The following CELF2 variants were observed in gnomAD, a reference collection of about 807,000 sequenced individuals.
The protein encoded by CELF2 is CUG triplet repeat RNA-binding protein 2.
In CELF2, 8 loss-of-function variants were observed where a neutral mutation model predicts 62.6. The observed-to-expected ratio is 0.13, with a 90% CI of 0.07 to 0.23. CELF2 has a LOEUF of 0.23. Ranked by LOEUF, CELF2 falls within the 10% of genes least tolerant of loss-of-function variation. The probability of loss-of-function intolerance (pLI) is 1.00; values close to 1 mark genes in which losing one functional copy is unlikely to be tolerated. For missense variants in CELF2, 333 were observed against 671.0 expected (o/e 0.50, Z 5.56); for synonymous variants, 258 against 250.0 (o/e 1.03, Z -0.30).
rs751811271 is a variant in CELF2 at position 11,331,597 on chromosome 10, T to C, written c.*2544T>C. ...TTATTATGTGTTTTGTATAAATCCC[T>C]AATATTTAAAAAAAAAAACAAAACA... On this transcript the variant is annotated 3_prime_UTR_variant, in exon 13 of 13. Transcript: ENST00000633077. The C allele has an allele frequency of 8.9e-4, 136 of 152,074 alleles. 1 individual carries two copies. Among genetic ancestry groups the C allele is most frequent in the Non-Finnish European group, 8.5e-4 (58 of 67,926 alleles). 9.4% of individuals were successfully genotyped at this position (152,074 alleles called of 1,614,324 possible).
chr10:10,836,650 T>G (rs969777401), intron 1 of CELF2, among the ~76,000 whole-genome samples: 19 of 152,332 alleles, frequency 1.2e-4, no homozygotes, highest in African/African-American at 4.3e-4. Context: ...TATTTTATTT[T>G]ATTTTTTTTG....
At position 11,033,257 on chromosome 10, in the gene CELF2, ATTTTTT is replaced by A. The variant is rs199975812; in HGVS notation, c.74+15109_74+15114del. 1.4e-3 allele frequency among the ~76,000 whole-genome samples: 199 copies of A among 139,034 alleles called. 1 individual carries two copies. Among genetic ancestry groups the A allele is most frequent in the East Asian group, 2.2e-3 (11 of 4,956 alleles). 91.2% of individuals were successfully genotyped at this position (139,034 alleles called of 152,430 possible). A position where few individuals can be genotyped will look rare whatever the true frequency, so the allele number is the denominator to read the frequency against. ...CAAATACTGTCTCAATGTTCAGGGC[ATTTTTT>A]TTTTTTTTTTTTTTAGACAGTTTTG... is the stretch of plus-strand genomic sequence containing the variant. On this transcript the variant is annotated intron_variant, in intron 1 of 12. Coordinates refer to ENST00000633077, the MANE Select transcript of CELF2 (RefSeq NM_001326342.2).
the CELF2 span, among the ~76,000 whole-genome samples, chr10:10,586,025 T>C: frequency 2.0e-5 from 3 of 152,228 alleles, no homozygotes; most frequent in Non-Finnish European, 4.4e-5. Flanking sequence ...TCTGGAGAGA[T>C]AATTAGCTCT....
rs572304516 is a variant in CELF2 at position 10,990,382 on chromosome 10, T to C, written c.89+70383T>C. Among the ~76,000 whole-genome samples the C allele has an allele frequency of 1.3e-5, 2 of 152,228 alleles. No individual in the cohort carries two copies. The highest frequency in any genetic ancestry group is 3.9e-4 in the East Asian group (2 of 5,186). On this transcript the variant is annotated intron_variant, in intron 2 of 13. Coordinates refer to the CELF2 transcript ENST00000636488. The surrounding 1 kb of genome is among the most constrained non-coding windows in gnomAD (Gnocchi z 4.6). ...GGAAATATTACCAAAAGTTAAACAA[T>C]TTTGTATCTAGTGAGATTGAGGTGT...
Position 11,319,000 on chromosome 10 carries a change from T to C in CELF2, c.1097-2189T>C, listed in dbSNP as rs1184251574. On this transcript the variant is annotated intron_variant, in intron 10 of 12. Coordinates refer to ENST00000633077, the MANE Select transcript of CELF2 (RefSeq NM_001326342.2). The surrounding 1 kb of genome is among the most constrained non-coding windows in gnomAD (Gnocchi z 5.4). ...TTGGAGGCGTCCACTGGAGACGAGC[T>C]GCTGTCTTCAGCCCGTCCTCGTCTG... 4 of 471,058 alleles carry C rather than the reference T, an allele frequency of 8.5e-6. No homozygotes were observed. The highest frequency in any genetic ancestry group is 1.8e-5 in the Non-Finnish European group (4 of 227,054). 29.2% of individuals were successfully genotyped at this position (471,058 alleles called of 1,614,324 possible).
At chr10:11,113,736 G>C (rs1337826025) in intron 1 of CELF2, among the ~76,000 whole-genome samples, 1 of 152,110 alleles carries the variant, frequency 6.6e-6, no homozygotes. Context: ...GGTTCCCAGC[G>C]GGTCTGCCTG....
intron 1 of CELF2, among the ~76,000 whole-genome samples, chr10:10,901,415 T>C (rs1404965786): frequency 6.6e-6 from 1 of 152,202 alleles, no homozygotes; most frequent in Non-Finnish European, 1.5e-5. Flanking sequence ...GCAAAATCAA[T>C]GAAGTGAGAA....
At chr10:11,089,579 T>A (rs946516650) in intron 1 of CELF2, among the ~76,000 whole-genome samples, 1 of 152,036 alleles carries the variant, frequency 6.6e-6, no homozygotes, top group African/African-American at 2.4e-5. Context: ...AGTGTCAGTA[T>A]ATGGTCTTTG....
rs1046469306 is a variant in CELF2 at position 10,934,412 on chromosome 10, T to G, written c.89+14413T>G. ...CTCAAATATGCATCAAATGAACTCA[T>G]GAGTAAATGGGAGCTAAGAATCTTT... is the stretch of plus-strand genomic sequence containing the variant. On this transcript the variant is annotated intron_variant, in intron 2 of 13. Transcript: ENST00000636488. The surrounding 1 kb of genome is among the most constrained non-coding windows in gnomAD (Gnocchi z 4.4). The G allele has an allele frequency of 6.6e-6, 1 of 152,158 alleles. No homozygotes were observed. The allele number at this position is 152,158 out of a possible 1,614,324, so 9.4% of individuals were successfully genotyped here. A position where few individuals can be genotyped will look rare whatever the true frequency, so the allele number is the denominator to read the frequency against.
chr10:10,563,926 G>A, the CELF2 span, among the ~76,000 whole-genome samples: 9 of 152,198 alleles, frequency 5.9e-5, no homozygotes, highest in Non-Finnish European at 1.2e-4. Flanking sequence ...TGATTTAAGT[G>A]TAATGTATCA....
At chr10:10,845,204 C>T (rs574207550) in intron 1 of CELF2, among the ~76,000 whole-genome samples, 128 of 152,002 alleles carry the variant, frequency 8.4e-4, no homozygotes, top group Non-Finnish European at 1.4e-3. Context: ...AGATGGTAGG[C>T]TTATTCTTCG....
Position 11,217,702 on chromosome 10 carries a change from G to A in CELF2, c.354+195G>A, listed in dbSNP as rs563308633. Among the ~76,000 whole-genome samples, 3 of 152,086 alleles carry A rather than the reference G, an allele frequency of 2.0e-5. No homozygotes were observed. Among genetic ancestry groups the A allele is most frequent in the African/African-American group, 4.8e-5 (2 of 41,406 alleles). ...AAGGAGCGCTGGCATTAACACTGACGGGAAGCATTCTCAAATAGTGCATCC... is the reference window on the plus strand; with the variant it reads ...AAGGAGCGCTGGCATTAACACTGACAGGAAGCATTCTCAAATAGTGCATCC... On this transcript the variant is annotated intron_variant, in intron 3 of 12. Coordinates refer to ENST00000633077, the MANE Select transcript of CELF2 (RefSeq NM_001326342.2). This position sits in a 1 kb window ranked among gnomAD's most constrained non-coding sequence, Gnocchi z 5.6.
the CELF2 span, among the ~76,000 whole-genome samples, chr10:10,704,918 G>T: frequency 1.3e-5 from 2 of 150,948 alleles, no homozygotes; most frequent in Non-Finnish European, 2.9e-5. Context: ...TCTGGGCATG[G>T]TGGCTCATGC....
chr10:10,884,807 A>G (rs1052667843), intron 1 of CELF2, among the ~76,000 whole-genome samples: 5 of 152,220 alleles, frequency 3.3e-5, no homozygotes, highest in African/African-American at 1.2e-4. Context: ...GCCACTGTGT[A>G]TGACTTTGGG....
the CELF2 span, among the ~76,000 whole-genome samples, chr10:10,466,735 G>T: frequency 6.6e-6 from 1 of 152,066 alleles, no homozygotes; most frequent in Non-Finnish European, 1.5e-5. Context: ...TCTTTTCAGT[G>T]TTAGCCATTC....
At chr10:10,636,763 A>G in the CELF2 span, among the ~76,000 whole-genome samples, 3 of 152,186 alleles carry the variant, frequency 2.0e-5, no homozygotes, top group South Asian at 2.1e-4. Context: ...TCCACTGTCA[A>G]TGAGACCTTC....
At chr10:10,789,877 T>A in the CELF2 span, among the ~76,000 whole-genome samples, 1 of 152,130 alleles carries the variant, frequency 6.6e-6, no homozygotes, top group African/African-American at 2.4e-5. Context: ...CTGTTATATA[T>A]GATGTTTTTG....
Position 11,052,298 on chromosome 10 carries a change from G to A in CELF2, c.74+34135G>A, listed in dbSNP as rs142770340. On this transcript the variant is annotated intron_variant, in intron 1 of 12. Transcript: ENST00000633077. ...TAGAACATTTAGGGAAGTCTGAGAA[G>A]ACAACCAGTAGAGATCATTACCTTT... 4.9e-3 allele frequency among the ~76,000 whole-genome samples: 745 copies of A among 152,314 alleles called. 6 individuals are homozygous for A. The highest frequency in any genetic ancestry group is 0.018 in the African/African-American group (728 of 41,572).
intron 2 of CELF2, among the ~76,000 whole-genome samples, chr10:10,984,211 G>A (rs909431170): frequency 1.3e-5 from 2 of 152,226 alleles, no homozygotes; most frequent in African/African-American, 2.4e-5. Context: ...ACAGAGGGTC[G>A]AGTCAGAGAT....
Sources: gnomAD v4.1 joint callset for allele counts (sites outside exome capture counted in the v4.1 genomes callset) on GRCh38, gnomAD v4.1.1 for gene constraint, Gnocchi (gnomAD v3.1) non-coding constraint, MANE v1.5 for transcripts, NCBI Gene and HGNC (gene_info 2026-07-23, HGNC 2026-07-21) for gene names.